ZDHHC13: variants seen among roughly 807,000 people sequenced by gnomAD.
ZDHHC13 encodes the protein palmitoyltransferase ZDHHC13.
In ZDHHC13, 85 loss-of-function variants were observed where a neutral mutation model predicts 86.0. The observed-to-expected ratio is 0.99, with a 90% CI of 0.83 to 1.18. The LOEUF is 1.18. Among genes scored for constraint, ZDHHC13 ranks in the 50% most tolerant of loss-of-function variants. The pLI is 0.00. For synonymous variants in ZDHHC13, 263 were observed against 246.4 expected, an observed-to-expected ratio of 1.07 and a Z score of -0.63; for missense variants, 711 against 730.2, an observed-to-expected ratio of 0.97 and a Z score of 0.30.
chr11:19,155,581 C>CAAAA (rs370534138), intron 8 of ZDHHC13, among the ~76,000 whole-genome samples: 1 of 46,786 alleles, frequency 2.1e-5, no homozygotes, highest in Non-Finnish European at 5.3e-5. Flanking sequence ...AACTTCATCT[C>CAAAA]AAAAAAAAAA....
intron 1 of ZDHHC13, among the ~76,000 whole-genome samples, chr11:19,124,535 T>C (rs1300456494): frequency 1.3e-5 from 2 of 152,110 alleles, no homozygotes; most frequent in Non-Finnish European, 2.9e-5. Flanking sequence ...AAAAATACAC[T>C]GATTTTTTTT....
intron 1 of ZDHHC13, among the ~76,000 whole-genome samples, chr11:19,136,054 C>G (rs997481946): frequency 6.6e-6 from 1 of 152,198 alleles, no homozygotes; most frequent in Non-Finnish European, 1.5e-5. Context: ...TCACCAGCAA[C>G]GGAACAAAGC....
intron 1 of ZDHHC13, among the ~76,000 whole-genome samples, chr11:19,133,711 G>A (rs1020893557): frequency 6.6e-6 from 1 of 151,742 alleles, no homozygotes; most frequent in African/African-American, 2.4e-5. Context: ...TTTTAGGGTT[G>A]CATACATTAG....
chr11:19,170,431 A>G lies in ZDHHC13; in HGVS notation c.1495A>G (p.Thr499Ala). ...CACAGATTTGTCCAGTCATTGTGCC[A>G]CAACATTCAAAGAAGATGGATTATG... is the stretch of plus-strand genomic sequence containing the variant. ...SFIYLSSHCA[T>A]TFKEDGLWTY... Residue 499 changes from threonine to alanine, a missense_variant, in exon 15 of 17, where the codon ACA becomes GCA. Coordinates refer to ENST00000446113, the MANE Select transcript of ZDHHC13 (RefSeq NM_019028.3). 1 of 1,496,232 alleles carries G rather than the reference A, an allele frequency of 6.7e-7. No individual in the cohort carries two copies. Among genetic ancestry groups the G allele is most frequent in the Non-Finnish European group, 8.9e-7 (1 of 1,128,316 alleles). The allele number at this position is 1,496,232 out of a possible 1,614,324, so 92.7% of individuals were successfully genotyped here.
At chr11:19,132,585 A>G (rs1012282623) in intron 1 of ZDHHC13, among the ~76,000 whole-genome samples, 1 of 152,032 alleles carries the variant, frequency 6.6e-6, no homozygotes, top group African/African-American at 2.4e-5. Flanking sequence ...TGGTTGGCTC[A>G]CTTCTCTCTT....
At position 19,175,804 on chromosome 11, in the gene ZDHHC13, T is replaced by C; in HGVS notation, c.1731-18T>C. On this transcript the variant is annotated intron_variant, in intron 16 of 16. Transcript: ENST00000446113. ...GGAAATATAGTAAGACATGTTCTCT[T>C]TTTTTTTTTCTTGGCAGTCTTGGAT... 2 of 1,510,736 alleles carry C rather than the reference T, an allele frequency of 1.3e-6. No homozygotes were observed. Among genetic ancestry groups the C allele is most frequent in the South Asian group, 1.2e-5 (1 of 81,278 alleles). 93.6% of individuals were successfully genotyped at this position (1,510,736 alleles called of 1,614,324 possible).
chr11:19,127,296 T>A (rs1363723806), intron 1 of ZDHHC13, among the ~76,000 whole-genome samples: 2 of 152,170 alleles, frequency 1.3e-5, no homozygotes. Context: ...TACATTTTAA[T>A]GGGGTTTGTT....
intron 14 of ZDHHC13, chr11:19,169,759 A>G: frequency 1.0e-6 from 1 of 985,478 alleles, no homozygotes. Context: ...GAAAGGCCAT[A>G]GTAAAGTTCT....
chr11:19,158,668 G>A (rs1849824210), intron 9 of ZDHHC13, among the ~76,000 whole-genome samples: 1 of 152,094 alleles, frequency 6.6e-6, no homozygotes, highest in African/African-American at 2.4e-5. Context: ...TTAAATCGTT[G>A]TGAATTAAAT....
intron 10 of ZDHHC13, 139 bp from the exon 11 acceptor site, chr11:19,163,164 G>A (rs1026566553): frequency 1.3e-6 from 1 of 792,492 alleles, no homozygotes. Flanking sequence ...TTAGAACATA[G>A]GATGGGAAGA....
At chr11:19,140,782 C>A (rs571866639) in intron 1 of ZDHHC13, among the ~76,000 whole-genome samples, 28 of 151,816 alleles carry the variant, frequency 1.8e-4, no homozygotes, top group Non-Finnish European at 3.1e-4. Flanking sequence ...TGGATGAAAT[C>A]GGAAATCATC....
At chr11:19,138,258 A>G (rs1197116380) in intron 1 of ZDHHC13, among the ~76,000 whole-genome samples, 1 of 151,928 alleles carries the variant, frequency 6.6e-6, no homozygotes, top group African/African-American at 2.4e-5. Context: ...AGAAATACAA[A>G]CTACCATCAG....
At chr11:19,157,196 C>T (rs946284024) in intron 9 of ZDHHC13, among the ~76,000 whole-genome samples, 46 of 152,306 alleles carry the variant, frequency 3.0e-4, no homozygotes, top group African/African-American at 1.0e-3. Flanking sequence ...TTTCTTGTAG[C>T]ACTTAATCAC....
chr11:19,118,054 A>C (rs1222313628), intron 1 of ZDHHC13: 1 of 152,232 alleles, frequency 6.6e-6, no homozygotes, highest in Non-Finnish European at 1.5e-5. Flanking sequence ...TTATTGAATA[A>C]ATGCAGAATT....
In ZDHHC13 at chr11:19,118,212, CAGTT is replaced by C. The variant is rs549776186; in HGVS notation, c.27+939_27+942del. 1.2e-3 allele frequency among the ~76,000 whole-genome samples: 179 copies of C among 152,294 alleles called. 1 individual carries two copies. The highest frequency in any genetic ancestry group is 3.9e-3 in the African/African-American group (163 of 41,566). On this transcript the variant is annotated intron_variant, in intron 1 of 16. Coordinates refer to ENST00000446113, the MANE Select transcript of ZDHHC13 (RefSeq NM_019028.3). Reference sequence around the variant, plus strand: ...CACTAAAGCTGTCTTCAGCTGGAATCAGTTAGGCGGTAGATTCTCAGTTTGGGAT... The same window carrying C: ...CACTAAAGCTGTCTTCAGCTGGAATCAGGCGGTAGATTCTCAGTTTGGGAT...
At chr11:19,159,945 A>G (rs1358359489) in intron 10 of ZDHHC13, among the ~76,000 whole-genome samples, 2 of 151,978 alleles carry the variant, frequency 1.3e-5, no homozygotes, top group African/African-American at 4.8e-5. Flanking sequence ...CTTATGGAGT[A>G]GGAGAAGAAG....
Position 19,117,192 on chromosome 11 carries a change from G to T in ZDHHC13, c.-58G>T. On this transcript the variant is annotated 5_prime_UTR_variant, in exon 1 of 17. Transcript: ENST00000446113. The surrounding 1 kb of genome is among the most constrained non-coding windows in gnomAD (Gnocchi z 4.2). Reference sequence around the variant, plus strand: ...AAGAGGCGACCCAAGGCGGGCTGGCGGGCTGGCGGCAGTCGCTACTTGCCT... The same window carrying T: ...AAGAGGCGACCCAAGGCGGGCTGGCTGGCTGGCGGCAGTCGCTACTTGCCT... The T allele has an allele frequency of 3.9e-6, 6 of 1,526,566 alleles. No homozygotes were observed. The South Asian group carries it at 6.0e-5, about 15-fold the overall frequency. The allele number at this position is 1,526,566 out of a possible 1,614,324, so 94.6% of individuals were successfully genotyped here.
intron 12 of ZDHHC13, 58 bp from the exon 13 acceptor site, chr11:19,164,994 T>G: frequency 6.7e-7 from 1 of 1,498,406 alleles, no homozygotes; most frequent in African/African-American, 1.4e-5. Context: ...TTGCTTGTGA[T>G]TTGTTACCAC....
chr11:19,161,594 G>C (rs1289148780), intron 10 of ZDHHC13, among the ~76,000 whole-genome samples: 1 of 151,722 alleles, frequency 6.6e-6, no homozygotes, highest in Non-Finnish European at 1.5e-5. Flanking sequence ...TGCGAGGGGG[G>C]ATTGAATACA....
Sources: allele counts gnomAD v4.1 joint callset (sites outside exome capture counted in the v4.1 genomes callset), GRCh38; gene constraint gnomAD v4.1.1; non-coding constraint Gnocchi (gnomAD v3.1); transcripts MANE v1.5; gene names NCBI Gene and HGNC (gene_info 2026-07-23, HGNC 2026-07-21).